COL5A2: variants seen among roughly 807,000 people sequenced by gnomAD.
COL5A2 encodes collagen alpha-2(V) chain.
COL5A2 carries 23 observed loss-of-function variants against 208.2 expected under a neutral mutation model. That is an observed-to-expected ratio of 0.11 (90% CI 0.08 to 0.16). The LOEUF is 0.16. Among genes scored for constraint, COL5A2 ranks in the 10% least tolerant of loss-of-function variants. The probability of loss-of-function intolerance (pLI) is 1.00; values close to 1 mark genes in which losing one functional copy is unlikely to be tolerated. For synonymous variants in COL5A2, 625 were observed against 628.5 expected, an observed-to-expected ratio of 0.99 and a Z score of 0.08; for missense variants, 1,590 against 1,956.4, an observed-to-expected ratio of 0.81 and a Z score of 3.53.
intron 12 of COL5A2, among the ~76,000 whole-genome samples, chr2:189,083,674 G>GAA (rs376308674): frequency 2.1e-5 from 3 of 145,158 alleles, no homozygotes; most frequent in Admixed American, 2.1e-4. Flanking sequence ...CTCATTTTAT[G>GAA]AAAAAAAAAA....
chr2:189,283,168 T>G, the COL5A2 span, among the ~76,000 whole-genome samples: 1 of 151,134 alleles, frequency 6.6e-6, no homozygotes, highest in Admixed American at 6.6e-5. Flanking sequence ...GCTGTTGACT[T>G]GTTTGAAAAT....
chr2:189,097,193 T>C (rs1400990739), intron 6 of COL5A2, 84 bp downstream of exon 6: 3 of 1,296,648 alleles, frequency 2.3e-6, no homozygotes, highest in Non-Finnish European at 3.4e-6. Flanking sequence ...GGAATAGTGC[T>C]CCCAGCTTCT....
chr2:189,294,133 A>G, the COL5A2 span, among the ~76,000 whole-genome samples: 55 of 150,794 alleles, frequency 3.6e-4, no homozygotes, highest in African/African-American at 1.3e-3. Flanking sequence ...ATGGTAGTCT[A>G]TTAAAGCAGC....
At chr2:189,200,697 A>G (rs1201894836) in intron 1 of COL5A2, among the ~76,000 whole-genome samples, 1 of 147,930 alleles carries the variant, frequency 6.8e-6, no homozygotes, top group East Asian at 1.9e-4. Context: ...TATGCTCCTG[A>G]AAGCCTTAAA....
chr2:189,056,990 C>T lies in COL5A2; in HGVS notation c.2374G>A (p.Gly792Arg). ...TCACTTACTCTTGCACCATCATTTC[C>T]AGCTGTGCCTTCAGCACCTTTTTCT... ...IGEKGAEGTAGNDGARGLPGP... is the reference protein window; with the variant it reads ...IGEKGAEGTARNDGARGLPGP... The change falls in exon 35 of 54, where the codon GGA (glycine) becomes AGA (arginine). Residue 792 changes from glycine (G) to arginine (R), a missense_variant. Coordinates refer to ENST00000374866, the MANE Select transcript of COL5A2 (RefSeq NM_000393.5). The T allele has an allele frequency of 1.2e-6, 2 of 1,614,042 alleles. No individual in the cohort carries two copies. Among genetic ancestry groups the T allele is most frequent in the Non-Finnish European group, 1.7e-6 (2 of 1,179,950 alleles).
At chr2:189,132,519 A>G (rs2105756119) in intron 1 of COL5A2, among the ~76,000 whole-genome samples, 1 of 152,342 alleles carries the variant, frequency 6.6e-6, no homozygotes, top group East Asian at 1.9e-4. Flanking sequence ...GAAAAGAAGA[A>G]TAGTATTGAA....
chr2:189,337,404 G>A, the COL5A2 span, among the ~76,000 whole-genome samples: 56 of 151,766 alleles, frequency 3.7e-4, no homozygotes, highest in East Asian at 6.2e-3. Context: ...GGATGGTCTC[G>A]ATCTCCTGAC....
At chr2:189,175,351 C>G (rs1481711232) in intron 1 of COL5A2, among the ~76,000 whole-genome samples, 1 of 151,798 alleles carries the variant, frequency 6.6e-6, no homozygotes, top group Non-Finnish European at 1.5e-5. Context: ...ATCCACATGC[C>G]TAGAAAGTAC....
chr2:189,128,278 T>G (rs979719980), intron 1 of COL5A2, among the ~76,000 whole-genome samples: 1 of 151,950 alleles, frequency 6.6e-6, no homozygotes, highest in African/African-American at 2.4e-5. Flanking sequence ...AAAAAGTAGG[T>G]GGTATTTTGC....
At chr2:189,308,142 G>T in the COL5A2 span, among the ~76,000 whole-genome samples, 1 of 151,976 alleles carries the variant, frequency 6.6e-6, no homozygotes, top group Non-Finnish European at 1.5e-5. Flanking sequence ...TGGGTGTAGG[G>T]ATGTGTTTTC....
At chr2:189,088,634 C>A in intron 8 of COL5A2, 61 bp downstream of exon 8, 3 of 1,264,072 alleles carry the variant, frequency 2.4e-6, no homozygotes, top group Non-Finnish European at 3.5e-6. Context: ...ACTCAAGATT[C>A]TCTTTTTAAA....
At chr2:189,112,154 G>T (rs1313596632) in intron 1 of COL5A2, among the ~76,000 whole-genome samples, 1 of 152,098 alleles carries the variant, frequency 6.6e-6, no homozygotes, top group African/African-American at 2.4e-5. Context: ...ACTGTGCCCG[G>T]CCTCCTCATT....
At chr2:189,209,471 G>T (rs183167006) in intron 1 of COL5A2, among the ~76,000 whole-genome samples, 58 of 152,224 alleles carry the variant, frequency 3.8e-4, no homozygotes, top group Admixed American at 1.8e-3. Flanking sequence ...CATGACAGAG[G>T]TACTATACTT....
At chr2:189,223,390 C>G (rs749463580) in intron 1 of COL5A2, among the ~76,000 whole-genome samples, 1 of 152,138 alleles carries the variant, frequency 6.6e-6, no homozygotes, top group Non-Finnish European at 1.5e-5. Flanking sequence ...AATCATTCTC[C>G]TCATTCACTG....
chr2:189,144,273 C>T (rs1440721963), intron 1 of COL5A2, among the ~76,000 whole-genome samples: 1 of 152,102 alleles, frequency 6.6e-6, no homozygotes, highest in African/African-American at 2.4e-5. Flanking sequence ...CACACAGTTT[C>T]AGTAAACAAG....
rs1445502757 is a variant in COL5A2 at position 189,034,035 on chromosome 2, T to A, written c.*35A>T. ...TCTTGTGAATGGCGGTGGTCATTGA[T>A]GGTGGTGCTCATTGTCGATGTGTCT... On this transcript the variant is annotated 3_prime_UTR_variant, in exon 54 of 54. Coordinates refer to ENST00000374866, the MANE Select transcript of COL5A2 (RefSeq NM_000393.5). 1 of 1,613,480 alleles carries A rather than the reference T, an allele frequency of 6.2e-7. No homozygotes were observed. The highest frequency in any genetic ancestry group is 2.2e-5 in the East Asian group (1 of 44,880).
chr2:189,057,116 CA>C, intron 34 of COL5A2, 90 bp from the exon 35 acceptor site: 1 of 1,413,688 alleles, frequency 7.1e-7, no homozygotes, highest in East Asian at 2.3e-5. Flanking sequence ...GGCTAATTGT[CA>C]TTTTCCTAGT....
At chr2:189,196,969 A>G (rs982872953) in intron 1 of COL5A2, among the ~76,000 whole-genome samples, 10 of 152,212 alleles carry the variant, frequency 6.6e-5, no homozygotes, top group South Asian at 4.1e-4. Context: ...AGGAATATAA[A>G]TCATTCTACT....
chr2:189,342,587 A>C, the COL5A2 span, among the ~76,000 whole-genome samples: 3 of 129,024 alleles, frequency 2.3e-5, no homozygotes, highest in South Asian at 2.7e-4. Context: ...AACCAACCCC[A>C]AATTTTTTTC....
Sources: allele counts gnomAD v4.1 joint callset (sites outside exome capture counted in the v4.1 genomes callset), GRCh38; gene constraint gnomAD v4.1.1; transcripts MANE v1.5; gene names NCBI Gene and HGNC (gene_info 2026-07-23, HGNC 2026-07-21).